The following MICAL1 variants were observed in gnomAD, a reference collection of about 807,000 sequenced individuals.
The protein encoded by MICAL1 is microtubule associated monooxygenase, calponin and LIM domain containing 1, also known as [F-actin]-monooxygenase MICAL1.
In MICAL1, 95 loss-of-function variants were observed where a neutral mutation model predicts 131.8. That is an observed-to-expected ratio of 0.72 (90% confidence interval 0.61 to 0.86). The LOEUF (loss-of-function observed/expected upper bound fraction) is 0.86, where lower values mean the gene tolerates loss of function less well. Ranked by LOEUF, MICAL1 falls within the 40% of genes least tolerant of loss-of-function variation. The pLI, the probability that MICAL1 is intolerant of heterozygous loss-of-function variation, is 0.00. For missense variants in MICAL1, 1,292 were observed against 1,380.6 expected (o/e 0.94, Z 1.02); for synonymous variants, 546 against 554.2 (o/e 0.99, Z 0.21).
rs775075912 is a variant in MICAL1 at position 109,445,004 on chromosome 6, A to G, written c.2882-9T>C. On this transcript the variant is annotated splice_polypyrimidine_tract_variant and intron_variant, in intron 22 of 24. Coordinates refer to ENST00000358807, the MANE Select transcript of MICAL1 (RefSeq NM_022765.4). ...TTGCTGTTCTGGGGAACCTGAGAAG[A>G]AGGAAGATGGGTAGGGTGATCAGGA... 5 of 1,613,082 alleles carry G rather than the reference A, an allele frequency of 3.1e-6. No individual in the cohort carries two copies. Among genetic ancestry groups the G allele is most frequent in the East Asian group, 2.2e-5 (1 of 44,888 alleles).
chr6:109,451,554 C>G (rs764579396), intron 7 of MICAL1, 46 bp downstream of exon 7: 2 of 1,609,412 alleles, frequency 1.2e-6, no homozygotes, highest in Non-Finnish European at 1.7e-6. Context: ...GCCTCTGCCT[C>G]CCGGGGCTCA....
At position 109,444,945 on chromosome 6, in the gene MICAL1, C is replaced by T. The variant is rs375453363; in HGVS notation, c.2932G>A (p.Val978Ile). ...KLWVGQLLQL[V>I]DKKNSLVAEE... ...GCCACCAGGCTGTTTTTCTTGTCAA[C>T]GAGCTGTAGCAGCTGTCCTACCCAT... Residue 978 changes from valine (V) to isoleucine (I), a missense_variant, in exon 23 of 25, where the codon GTT becomes ATT. Val to Ile is a conservative substitution (Grantham distance 29). Coordinates refer to ENST00000358807, the MANE Select transcript of MICAL1 (RefSeq NM_022765.4). 15 of 1,614,128 alleles carry T rather than the reference C, an allele frequency of 9.3e-6. No individual in the cohort carries two copies. Among genetic ancestry groups the T allele is most frequent in the Admixed American group, 1.7e-5 (1 of 60,028 alleles).
At position 109,453,978 on chromosome 6, in the gene MICAL1, C is replaced by G. The variant is rs779511840; in HGVS notation, c.219G>C (p.Gln73His). 1 of 1,613,904 alleles carries G rather than the reference C, an allele frequency of 6.2e-7. No homozygotes were observed. Among genetic ancestry groups the G allele is most frequent in the African/African-American group, 1.3e-5 (1 of 74,946 alleles). Residue 73 changes from glutamine (Q) to histidine (H), a missense_variant, in exon 2 of 25, where the codon CAG (glutamine) becomes CAC (histidine). Transcript: ENST00000358807. Reference sequence around the variant, plus strand: ...AGGCCCGGCCCTGCTGGTAGACAGGCTGGCCTGCTCGCTTGTCCAGCTTGG... The same window carrying G: ...AGGCCCGGCCCTGCTGGTAGACAGGGTGGCCTGCTCGCTTGTCCAGCTTGG... ...LWTKLDKRAGQPVYQQGRACT... is the reference protein window; with the variant it reads ...LWTKLDKRAGHPVYQQGRACT...
rs775492598 is a variant in MICAL1 at position 109,465,904 on chromosome 6, G to A, written c.-227C>T. ...GGCTGGGGCACGTGGTGAGTGGGTG[G>A]TGGCGGACCAGGCTCCTGTGTCAGC... On this transcript the variant is annotated 5_prime_UTR_variant, in exon 1 of 25. Coordinates refer to the MICAL1 transcript ENST00000630715. 2.1e-5 allele frequency: 34 copies of A among 1,614,100 alleles called. No individual in the cohort carries two copies. Among genetic ancestry groups the A allele is most frequent in the Non-Finnish European group, 2.6e-5 (31 of 1,180,046 alleles).
At chr6:109,446,659 C>A in intron 18 of MICAL1, 37 bp downstream of exon 18, 1 of 1,601,192 alleles carries the variant, frequency 6.2e-7, no homozygotes, top group Non-Finnish European at 8.5e-7. Context: ...CTTCCTCTTC[C>A]CATGCCCCAA....
chr6:109,451,852 C>A, intron 6 of MICAL1, 152 bp from the exon 7 acceptor site: 2 of 1,428,992 alleles, frequency 1.4e-6, no homozygotes, highest in South Asian at 2.9e-5. Context: ...CCTGATGACA[C>A]AAACAACCAT....
chr6:109,451,152 C>CTTTT (rs34927673), intron 7 of MICAL1, among the ~76,000 whole-genome samples: 1 of 134,492 alleles, frequency 7.4e-6, no homozygotes, highest in Non-Finnish European at 1.6e-5. Context: ...CAGGGGAGAA[C>CTTTT]TTTTTTTTTT....
chr6:109,452,018 T>G lies in MICAL1; in HGVS notation c.832+228A>C, dbSNP rs745437654. 540 of 1,406,582 alleles carry G rather than the reference T, an allele frequency of 3.8e-4. 1 individual carries two copies. The highest frequency in any genetic ancestry group is 4.5e-4 in the Non-Finnish European group (490 of 1,085,038). The allele number at this position is 1,406,582 out of a possible 1,614,324, so 87.1% of individuals were successfully genotyped here. ...AAGTACCACTTAAGCAAAACTCCCA[T>G]ACACAGGTTCATCTCTGAGAGATTC... On this transcript the variant is annotated intron_variant, in intron 6 of 24. Coordinates refer to ENST00000358807, the MANE Select transcript of MICAL1 (RefSeq NM_022765.4).
intron 1 of MICAL1, chr6:109,464,650 A>G (rs1478092899): frequency 6.6e-6 from 1 of 152,206 alleles, no homozygotes; most frequent in Admixed American, 6.6e-5. Flanking sequence ...TTAAGATTAG[A>G]TGAAGATTAG....
rs905327077 is a variant in MICAL1 at position 109,455,728 on chromosome 6, C to G, written c.-53G>C. 46 of 970,664 alleles carry G rather than the reference C, an allele frequency of 4.7e-5. 2 individuals carry two copies. In the East Asian group the frequency reaches 5.6e-3, roughly 118 times the overall value. 60.1% of individuals were successfully genotyped at this position (970,664 alleles called of 1,614,324 possible). ...CCGCTGGACGACTTACCGGCGGCTCCGAAGCCGGGAGGGGCCGCTTCCTGT... is the reference window on the plus strand; with the variant it reads ...CCGCTGGACGACTTACCGGCGGCTCGGAAGCCGGGAGGGGCCGCTTCCTGT... On this transcript the variant is annotated 5_prime_UTR_variant, in exon 1 of 25. Coordinates refer to ENST00000358807, the MANE Select transcript of MICAL1 (RefSeq NM_022765.4). The surrounding 1 kb of genome is among the most constrained non-coding windows in gnomAD (Gnocchi z 4.7).
In MICAL1 at chr6:109,453,243, G is replaced by A; in HGVS notation, c.571+20C>T. 6.3e-7 allele frequency: 1 copy of A among 1,593,342 alleles called. No individual in the cohort carries two copies. Among genetic ancestry groups the A allele is most frequent in the South Asian group, 1.1e-5 (1 of 90,706 alleles). ...CTTGATGGGGGAGGGGGAGATTCCA[G>A]GGAGCATAGAAATACTTACCCTTCC... is the stretch of plus-strand genomic sequence containing the variant. On this transcript the variant is annotated intron_variant, in intron 4 of 24. Transcript: ENST00000358807.
chr6:109,448,516 G>T, intron 12 of MICAL1, 123 bp from the exon 13 acceptor site: 1 of 1,303,174 alleles, frequency 7.7e-7, no homozygotes, highest in Non-Finnish European at 1.1e-6. Context: ...CTTGAAGGTA[G>T]GTGTGTAGTC....
intron 9 of MICAL1, 50 bp downstream of exon 9, chr6:109,449,920 C>G: frequency 3.7e-6 from 6 of 1,604,122 alleles, no homozygotes; most frequent in South Asian, 1.1e-5. Context: ...TCTTCCTGAA[C>G]CTTGTCACAT....
intron 20 of MICAL1, 55 bp from the exon 21 acceptor site, chr6:109,445,584 A>C: frequency 6.3e-7 from 1 of 1,597,882 alleles, no homozygotes; most frequent in East Asian, 2.2e-5. Context: ...GGTGGATAGG[A>C]GTGTTGTTTG....
Position 109,455,528 on chromosome 6 carries a change from G to A in MICAL1, c.-44+191C>T, listed in dbSNP as rs1775712690. ...TGGAGAGGGAGCTGGACCGCGGGCG[G>A]CAGCGGTGGGGGTCCCCGACACTGG... On this transcript the variant is annotated intron_variant, in intron 1 of 24. Transcript: ENST00000358807. This position sits in a 1 kb window ranked among gnomAD's most constrained non-coding sequence, Gnocchi z 4.7. 5.2e-6 allele frequency: 1 copy of A among 193,278 alleles called. No individual in the cohort carries two copies. The highest frequency in any genetic ancestry group is 9.5e-6 in the Non-Finnish European group (1 of 105,480). 12.0% of individuals were successfully genotyped at this position (193,278 alleles called of 1,614,324 possible).
intron 1 of MICAL1, chr6:109,464,070 T>G (rs1244992550): frequency 6.6e-6 from 1 of 152,176 alleles, no homozygotes; most frequent in Admixed American, 6.5e-5. Context: ...CTTTGAAAAG[T>G]TGGTAAAAAC....
Position 109,450,488 on chromosome 6 carries a change from G to GGGTAAAGCAGCTGCCCC in MICAL1, c.1002_1003insGGGGCAGCTGCTTTACC (p.Arg335GlyfsTer21). ...TGGGTGGCAAAGTCAGCAGCTGCCCGGGTAAAGCGCTGCAGAGCCTCGGGC... is the reference window on the plus strand; with the variant it reads ...TGGGTGGCAAAGTCAGCAGCTGCCCGGGTAAAGCAGCTGCCCCGGTAAAGCGCTGCAGAGCCTCGGGC... On this transcript the variant is annotated frameshift_variant, in exon 8 of 25. Transcript: ENST00000358807. LOFTEE classifies it high-confidence loss of function. 6.2e-7 allele frequency: 1 copy of GGGTAAAGCAGCTGCCCC among 1,613,260 alleles called. No individual in the cohort carries two copies. Among genetic ancestry groups the GGGTAAAGCAGCTGCCCC allele is most frequent in the Non-Finnish European group, 8.5e-7 (1 of 1,179,968 alleles).
In MICAL1 at chr6:109,447,817, T is replaced by C. The variant is rs735077; in HGVS notation, c.1944+58A>G. 1,509 of 1,610,476 alleles carry C rather than the reference T, an allele frequency of 9.4e-4. 14 individuals carry two copies. The African/African-American group carries it at 0.017, about 18-fold the overall frequency. On this transcript the variant is annotated intron_variant, in intron 14 of 24. Transcript: ENST00000358807. ...CTCACCATCACCCCAGGATCTCCAC[T>C]GGGTACCCCCCTGCCCACTCCTCCC... is the stretch of plus-strand genomic sequence containing the variant.
intron 20 of MICAL1, 109 bp from the exon 21 acceptor site, chr6:109,445,638 T>A: frequency 6.7e-7 from 1 of 1,501,980 alleles, no homozygotes; most frequent in Non-Finnish European, 9.2e-7. Flanking sequence ...TAAGCTCTGG[T>A]AGAAAAGGTA....
Sources: gnomAD v4.1 joint callset for allele counts (sites outside exome capture counted in the v4.1 genomes callset) on GRCh38, gnomAD v4.1.1 for gene constraint, Gnocchi (gnomAD v3.1) non-coding constraint, MANE v1.5 for transcripts, NCBI Gene and HGNC (gene_info 2026-07-23, HGNC 2026-07-21) for gene names.